YJU2B: variants seen among roughly 807,000 people sequenced by gnomAD.
YJU2B encodes the protein YJU2 splicing factor homolog B, also known as probable splicing factor YJU2B.
YJU2B carries 18 observed loss-of-function variants against 38.0 expected under a neutral mutation model. That is an observed-to-expected ratio of 0.47 (90% CI 0.33 to 0.70). YJU2B has a LOEUF of 0.70. Ranked by LOEUF, YJU2B falls within the 30% of genes least tolerant of loss-of-function variation. The pLI, the probability that YJU2B is intolerant of heterozygous loss-of-function variation, is 0.02. For missense variants in YJU2B, 538 were observed against 556.3 expected (o/e 0.97, Z 0.33); for synonymous variants, 246 against 225.4 (o/e 1.09, Z -0.82).
rs1599527057 is a variant in YJU2B, at chr19:13,756,261, A to G, written c.122A>G (p.Gln41Arg). 1 of 1,614,028 alleles carries G rather than the reference A, an allele frequency of 6.2e-7. No homozygotes were observed. Among genetic ancestry groups the G allele is most frequent in the Non-Finnish European group, 8.5e-7 (1 of 1,179,948 alleles). The change falls in exon 4 of 10, where the codon CAG (glutamine) becomes CGG (arginine). Residue 41 changes from glutamine (Q) to arginine (R), a missense_variant. Gln to Arg is a conservative substitution (Grantham distance 43). Coordinates refer to ENST00000221554, the MANE Select transcript of YJU2B (RefSeq NM_030818.4). Reference sequence around the variant, plus strand: ...CGGGAGCGGGCTCGGAAGCTGTCACAGGGCATCCTCATCATCCGGTAAGGC... The same window carrying G: ...CGGGAGCGGGCTCGGAAGCTGTCACGGGGCATCCTCATCATCCGGTAAGGC... ...PLRERARKLS[Q>R]GILIIRFEMP...
At chr19:13,735,210 C>T (rs1972912599) in intron 2 of YJU2B, among the ~76,000 whole-genome samples, 1 of 152,006 alleles carries the variant, frequency 6.6e-6, no homozygotes, top group African/African-American at 2.4e-5. Flanking sequence ...TCAGCTGCTC[C>T]CAGCTGAGGC....
At chr19:13,756,390 G>A (rs1278536927) in intron 4 of YJU2B, 111 bp downstream of exon 4, 11 of 801,724 alleles carry the variant, frequency 1.4e-5, no homozygotes, top group Non-Finnish European at 2.1e-5. Flanking sequence ...ATTCCATAAA[G>A]CAGAAAGTCA....
intron 8 of YJU2B, among the ~76,000 whole-genome samples, chr19:13,761,819 G>A (rs1392951693): frequency 4.0e-5 from 6 of 151,514 alleles, no homozygotes; most frequent in African/African-American, 1.5e-4. Flanking sequence ...CACCTCCCCG[G>A]TTGAAGTGAT....
At chr19:13,734,684 G>A (rs992032741) in intron 2 of YJU2B, among the ~76,000 whole-genome samples, 1 of 152,130 alleles carries the variant, frequency 6.6e-6, no homozygotes, top group Non-Finnish European at 1.5e-5. Flanking sequence ...AACCTCCTGG[G>A]CTCAAAGGGT....
intron 8 of YJU2B, 105 bp downstream of exon 8, chr19:13,759,377 C>T (rs1337940545): frequency 1.1e-6 from 1 of 885,574 alleles, no homozygotes; most frequent in Non-Finnish European, 1.7e-6. Flanking sequence ...CCACTGTACC[C>T]TCTGAGCCTC....
At chr19:13,747,894 C>T (rs1007054333), upstream of YJU2B, 2 of 152,276 alleles carry the variant, frequency 1.3e-5, no homozygotes, top group South Asian at 2.1e-4. Flanking sequence ...CGCCCAGGTT[C>T]ACCGCGCTCT....
Position 13,762,696 on chromosome 19 carries a change from GAAGCTGGCACAGAGC to G in YJU2B, c.820_834del (p.Lys274_Ser278del). ...GCAGCAAGGTCAGCGGCGTCCTGAA[GAAGCTGGCACAGAGC>G]CGCAGAACCGCGCTTGCCACCTCCC... On this transcript the variant is annotated inframe_deletion, in exon 10 of 10. Transcript: ENST00000221554. The G allele has an allele frequency of 1.2e-6, 2 of 1,604,328 alleles. No homozygotes were observed. Among genetic ancestry groups the G allele is most frequent in the Non-Finnish European group, 1.7e-6 (2 of 1,179,126 alleles).
At chr19:13,752,250 C>G (rs1020511747) in intron 2 of YJU2B, among the ~76,000 whole-genome samples, 1 of 151,920 alleles carries the variant, frequency 6.6e-6, no homozygotes, top group Non-Finnish European at 1.5e-5. Context: ...CCTCCCCTAC[C>G]CCTTCCTTTC....
At chr19:13,756,793 A>G (rs1335683301) in intron 4 of YJU2B, among the ~76,000 whole-genome samples, 1 of 151,950 alleles carries the variant, frequency 6.6e-6, no homozygotes, top group Admixed American at 6.6e-5. Flanking sequence ...TGGCCAACAC[A>G]GTGAAACCCT....
At chr19:13,754,802 T>A (rs1024073542) in intron 3 of YJU2B, among the ~76,000 whole-genome samples, 1 of 152,056 alleles carries the variant, frequency 6.6e-6, no homozygotes, top group Non-Finnish European at 1.5e-5. Context: ...TATAACTCCC[T>A]CACTTATTCA....
At chr19:13,744,778 G>A (rs1450833175), upstream of YJU2B, among the ~76,000 whole-genome samples, 1 of 152,140 alleles carries the variant, frequency 6.6e-6, no homozygotes, top group African/African-American at 2.4e-5. Flanking sequence ...CGGATCACGA[G>A]GTCAGGAGAT....
At chr19:13,756,540 C>A (rs1477646598) in intron 4 of YJU2B, among the ~76,000 whole-genome samples, 1 of 152,144 alleles carries the variant, frequency 6.6e-6, no homozygotes, top group Non-Finnish European at 1.5e-5. Context: ...CTGGGCTGGG[C>A]TCCCATGTGT....
At chr19:13,748,696 A>G (rs989357538) in intron 1 of YJU2B, among the ~76,000 whole-genome samples, 3 of 152,170 alleles carry the variant, frequency 2.0e-5, no homozygotes. Flanking sequence ...TTTACCGGTG[A>G]CGAAATACAA....
rs1310702604 is a variant in YJU2B at position 13,754,297 on chromosome 19, G to A, written c.12G>A (p.Arg4=). 1 of 1,613,544 alleles carries A rather than the reference G, an allele frequency of 6.2e-7. No individual in the cohort carries two copies. ...TCTGTTCTGCTTTGCAGGGTGAAAG[G>A]AAAGGGGTCAACAAGTACTATCCTC... MGE[R]KGVNKYYPPD... is the part of the protein sequence containing the mutation. The change falls in exon 3 of 10, where the codon AGG becomes AGA. Residue 4 remains arginine, a synonymous_variant. Coordinates refer to ENST00000221554, the MANE Select transcript of YJU2B (RefSeq NM_030818.4).
In YJU2B at chr19:13,756,411, C is replaced by G. The variant is rs184524611; in HGVS notation, c.140+132C>G. On this transcript the variant is annotated intron_variant, in intron 4 of 9. Coordinates refer to ENST00000221554, the MANE Select transcript of YJU2B (RefSeq NM_030818.4). ...TAAAGCAGAAAGTCACCGTATCAGT[C>G]AGTTATTGCCGTGTGACAAAACAAT... 7.7e-4 allele frequency: 539 copies of G among 695,856 alleles called. No individual in the cohort carries two copies. The highest frequency in any genetic ancestry group is 1.2e-3 in the Non-Finnish European group (458 of 387,932). 43.1% of individuals were successfully genotyped at this position (695,856 alleles called of 1,614,324 possible). A position where few individuals can be genotyped will look rare whatever the true frequency, so the allele number is the denominator to read the frequency against.
intron 8 of YJU2B, 126 bp from the exon 9 acceptor site, chr19:13,762,173 C>A: frequency 8.6e-7 from 1 of 1,158,526 alleles, no homozygotes; most frequent in Non-Finnish European, 1.2e-6. Flanking sequence ...CCAGTCTGGG[C>A]GACAGAATGA....
chr19:13,758,923 G>A lies in YJU2B; in HGVS notation c.313G>A (p.Ala105Thr), dbSNP rs776178898. The change falls in exon 7 of 10, where the codon GCC (alanine) becomes ACC (threonine). Residue 105 changes from alanine (A) to threonine (T), a missense_variant. Transcript: ENST00000221554. ...VNYIEMQTDP[A>T]NCDYVIVSGA... Reference sequence around the variant, plus strand: ...CTACATCGAGATGCAGACGGACCCCGCCAACTGCGACTACGTGATCGTGAG... The same window carrying A: ...CTACATCGAGATGCAGACGGACCCCACCAACTGCGACTACGTGATCGTGAG... The A allele has an allele frequency of 2.5e-6, 4 of 1,613,728 alleles. No homozygotes were observed. The highest frequency in any genetic ancestry group is 1.7e-5 in the Admixed American group (1 of 59,886).
Position 13,759,230 on chromosome 19 carries a change from G to A in YJU2B, c.531G>A (p.Lys177=). 6.2e-7 allele frequency: 1 copy of A among 1,613,198 alleles called. No individual in the cohort carries two copies. The highest frequency in any genetic ancestry group is 8.5e-7 in the Non-Finnish European group (1 of 1,179,674). ...TCCAGGAGGCCCAGAGCGCCTGGAA[G>A]GACGACTTCGCCCTCAACAGCATGC... The part of the protein sequence containing the change: ...SHIQEAQSAW[K]DDFALNSMLR... The change falls in exon 8 of 10, where the codon AAG becomes AAA. Residue 177 remains lysine, a synonymous_variant. Transcript: ENST00000221554.
chr19:13,754,103 C>G (rs930194872), intron 2 of YJU2B, among the ~76,000 whole-genome samples, 186 bp from the exon 3 acceptor site: 2 of 152,054 alleles, frequency 1.3e-5, no homozygotes, highest in Non-Finnish European at 2.9e-5. Context: ...ACTCGGGAAA[C>G]GGAGGTTACA....
Sources: gnomAD v4.1 joint callset for allele counts (sites outside exome capture counted in the v4.1 genomes callset) on GRCh38, gnomAD v4.1.1 for gene constraint, MANE v1.5 for transcripts, NCBI Gene and HGNC (gene_info 2026-07-23, HGNC 2026-07-21) for gene names.